Variants in NALF1 observed in about 807,000 individuals in gnomAD.
NALF1 encodes the protein family with sequence similarity 155 member A.
A neutral mutation model predicts 48.4 loss-of-function variants in NALF1; 3 were observed. That is an observed-to-expected ratio of 0.06 (90% CI 0.03 to 0.16). The LOEUF is 0.16. NALF1 is among the 10% of genes least tolerant of loss of function. NALF1 has a pLI of 1.00. For synonymous variants in NALF1, 262 were observed against 245.7 expected, an observed-to-expected ratio of 1.07 and a Z score of -0.62; for missense variants, 526 against 571.5, an observed-to-expected ratio of 0.92 and a Z score of 0.81.
intron 1 of NALF1, among the ~76,000 whole-genome samples, chr13:107,219,011 A>G (rs190425193): frequency 6.6e-6 from 1 of 152,216 alleles, no homozygotes; most frequent in African/African-American, 2.4e-5. Flanking sequence ...TAAATAAGGA[A>G]GCGTTTCCTT....
At chr13:107,410,646 T>C (rs1459918726) in intron 1 of NALF1, among the ~76,000 whole-genome samples, 1 of 152,076 alleles carries the variant, frequency 6.6e-6, no homozygotes, top group Non-Finnish European at 1.5e-5. Flanking sequence ...AGAAAGACTT[T>C]AAAGGTATCA....
chr13:107,328,081 A>G (rs981837074), intron 1 of NALF1, among the ~76,000 whole-genome samples: 2 of 151,770 alleles, frequency 1.3e-5, no homozygotes, highest in Admixed American at 1.3e-4. Flanking sequence ...CCACCATGCT[A>G]GACTAATTTT....
chr13:107,440,597 T>C (rs891640794), intron 1 of NALF1, among the ~76,000 whole-genome samples: 1 of 152,158 alleles, frequency 6.6e-6, no homozygotes, highest in African/African-American at 2.4e-5. Flanking sequence ...GATCGATTGT[T>C]GAAGCCTAAT....
At chr13:107,693,989 G>A (rs1881638055) in intron 1 of NALF1, among the ~76,000 whole-genome samples, 1 of 152,176 alleles carries the variant, frequency 6.6e-6, no homozygotes, top group African/African-American at 2.4e-5. Flanking sequence ...CAGTATTGGA[G>A]ATGGTGCCAG....
chr13:107,301,051 T>C (rs1881826834), intron 1 of NALF1, among the ~76,000 whole-genome samples: 1 of 152,222 alleles, frequency 6.6e-6, no homozygotes, highest in African/African-American at 2.4e-5. Context: ...TTGCAATATT[T>C]GCTTGTTTCT....
At chr13:107,645,680 CA>C (rs56187783) in intron 1 of NALF1, among the ~76,000 whole-genome samples, 4,414 of 131,772 alleles carry the variant, frequency 0.033, 24 homozygotes, top group African/African-American at 0.042. Flanking sequence ...TACTGGGAGA[CA>C]AAAAAAAAAA....
intron 1 of NALF1, among the ~76,000 whole-genome samples, chr13:107,499,397 T>C (rs1875441742): frequency 6.6e-6 from 1 of 152,060 alleles, no homozygotes; most frequent in African/African-American, 2.4e-5. Flanking sequence ...CAGGCTGGAG[T>C]GCCATTGCAC....
intron 2 of NALF1, among the ~76,000 whole-genome samples, chr13:107,179,463 G>T (rs1331942043): frequency 6.6e-6 from 1 of 151,780 alleles, no homozygotes; most frequent in Non-Finnish European, 1.5e-5. Context: ...ATACAACAGG[G>T]TAACTACAGT....
chr13:107,650,116 G>T (rs1025739601), intron 1 of NALF1, among the ~76,000 whole-genome samples: 1 of 152,066 alleles, frequency 6.6e-6, no homozygotes, highest in Admixed American at 6.5e-5. Flanking sequence ...GTCAAAGATC[G>T]GAGTTTTTGT....
intron 1 of NALF1, among the ~76,000 whole-genome samples, chr13:107,755,473 T>C (rs1267545286): frequency 1.3e-5 from 2 of 151,758 alleles, no homozygotes; most frequent in Non-Finnish European, 2.9e-5. Flanking sequence ...ATCCAAAATG[T>C]CTTTTTCATG....
rs531187648 is a variant in NALF1 at position 107,559,405 on chromosome 13, A to G, written c.915+306277T>C. ...TAGACTACAATGTTAGAATAAAGGA[A>G]GAAATAATGAGAAAGGGAATAAATG... On this transcript the variant is annotated intron_variant, in intron 1 of 2. Transcript: ENST00000375915. Among the ~76,000 whole-genome samples the G allele has an allele frequency of 7.3e-4, 111 of 152,368 alleles. 1 individual carries two copies. In the South Asian group the frequency reaches 0.022, roughly 31 times the overall value.
chr13:107,758,587 G>A (rs9514731), intron 1 of NALF1, among the ~76,000 whole-genome samples: 12,681 of 152,058 alleles, frequency 0.083, 643 homozygotes, highest in East Asian at 0.18. Flanking sequence ...TGGGTGTGGT[G>A]GCAGGCACCT....
At chr13:107,526,837 T>G (rs1166052530) in intron 1 of NALF1, among the ~76,000 whole-genome samples, 1 of 152,158 alleles carries the variant, frequency 6.6e-6, no homozygotes, top group East Asian at 1.9e-4. Flanking sequence ...TAGCATCTGC[T>G]GTTCAGTAAA....
chr13:107,311,805 A>G (rs1287609368), intron 1 of NALF1, among the ~76,000 whole-genome samples: 1 of 152,224 alleles, frequency 6.6e-6, no homozygotes, highest in East Asian at 1.9e-4. Context: ...TCTGCAGCTA[A>G]AAGACACTTG....
chr13:107,866,704 C>G lies in NALF1; in HGVS notation c.-108G>C, dbSNP rs966049437. 1.8e-5 allele frequency: 15 copies of G among 840,020 alleles called. No individual in the cohort carries two copies. Among genetic ancestry groups the G allele is most frequent in the Non-Finnish European group, 2.6e-5 (14 of 542,274 alleles). 52.0% of individuals were successfully genotyped at this position (840,020 alleles called of 1,614,324 possible). ...GTTTAATTTCCTTATCCCCTCCTCC[C>G]GTTTCTTCTCTCTCCTCTCTCTCTT... On this transcript the variant is annotated 5_prime_UTR_variant, in exon 1 of 3. Transcript: ENST00000375915. The surrounding 1 kb of genome is among the most constrained non-coding windows in gnomAD (Gnocchi z 4.4).
chr13:107,747,642 C>T (rs1051453374), intron 1 of NALF1, among the ~76,000 whole-genome samples: 1 of 152,124 alleles, frequency 6.6e-6, no homozygotes, highest in Non-Finnish European at 1.5e-5. Context: ...TGTATTACAT[C>T]TTTCACTTTT....
intron 1 of NALF1, among the ~76,000 whole-genome samples, chr13:107,791,493 A>G (rs1465061561): frequency 6.6e-6 from 1 of 152,198 alleles, no homozygotes; most frequent in African/African-American, 2.4e-5. Flanking sequence ...GTAATTAGAT[A>G]TATTTTTAAT....
At chr13:107,226,172 A>T (rs1180468017) in intron 1 of NALF1, among the ~76,000 whole-genome samples, 1 of 152,096 alleles carries the variant, frequency 6.6e-6, no homozygotes, top group Admixed American at 6.5e-5. Context: ...GAGCCTCCAG[A>T]GAGCAGGCTG....
intron 1 of NALF1, among the ~76,000 whole-genome samples, chr13:107,680,224 A>T (rs929334952): frequency 1.3e-5 from 2 of 152,128 alleles, no homozygotes; most frequent in African/African-American, 4.8e-5. Flanking sequence ...TTGCCATTTG[A>T]CTTCCACAGA....
Sources: gnomAD v4.1 joint callset for allele counts (sites outside exome capture counted in the v4.1 genomes callset) on GRCh38, gnomAD v4.1.1 for gene constraint, Gnocchi (gnomAD v3.1) non-coding constraint, MANE v1.5 for transcripts, NCBI Gene and HGNC (gene_info 2026-07-23, HGNC 2026-07-21) for gene names.